NRAP: variants seen among roughly 807,000 people sequenced by gnomAD.
NRAP encodes nebulin-related-anchoring protein.
NRAP carries 189 observed loss-of-function variants against 225.9 expected under a neutral mutation model. That is an observed-to-expected ratio of 0.84 (90% CI 0.74 to 0.94). The LOEUF (loss-of-function observed/expected upper bound fraction) is 0.94. NRAP is among the 40% of genes least tolerant of loss of function. The pLI is 0.00. For synonymous variants in NRAP, 769 were observed against 790.7 expected, an observed-to-expected ratio of 0.97 and a Z score of 0.46; for missense variants, 2,176 against 2,168.7, an observed-to-expected ratio of 1.00 and a Z score of -0.07.
At chr10:113,648,437 T>TTCTC (rs376144953) in intron 9 of NRAP, among the ~76,000 whole-genome samples, 8,096 of 65,782 alleles carry the variant, frequency 0.12, 616 homozygotes, top group Middle Eastern at 0.23. Flanking sequence ...TTATTTTAGT[T>TTCTC]TCTCTCTCTC....
intron 25 of NRAP, 133 bp downstream of exon 25, chr10:113,620,471 G>C (rs1847919860): frequency 3.0e-6 from 2 of 663,128 alleles, no homozygotes; most frequent in Admixed American, 4.9e-5. Flanking sequence ...ACCAGCCCTA[G>C]TCTGGGTTTT....
chr10:113,597,227 A>C, intron 36 of NRAP, 43 bp from the exon 37 acceptor site: 2 of 1,228,330 alleles, frequency 1.6e-6, no homozygotes, highest in Non-Finnish European at 2.4e-6. Flanking sequence ...ACAGTCCAAC[A>C]TCATGCATCT....
At chr10:113,591,635 G>C (rs774708043) in intron 39 of NRAP, among the ~76,000 whole-genome samples, 50 of 152,200 alleles carry the variant, frequency 3.3e-4, no homozygotes, top group Non-Finnish European at 1.8e-4. Flanking sequence ...TCTAGTCAAT[G>C]GTGCCCTCTC....
chr10:113,649,328 T>G (rs1232137412), intron 9 of NRAP, among the ~76,000 whole-genome samples: 2 of 152,188 alleles, frequency 1.3e-5, no homozygotes, highest in Non-Finnish European at 2.9e-5. Flanking sequence ...AACTGTCCAA[T>G]TATGAATAAA....
intron 36 of NRAP, among the ~76,000 whole-genome samples, chr10:113,597,661 C>T (rs1592729107): frequency 6.6e-6 from 1 of 152,204 alleles, no homozygotes. Context: ...ACAGAGTCAA[C>T]TCAGTAGATG....
chr10:113,589,023 A>G lies in NRAP; in HGVS notation c.5145T>C (p.Asp1715=), dbSNP rs1391797554. 1.9e-6 allele frequency: 3 copies of G among 1,614,036 alleles called. No homozygotes were observed. The highest frequency in any genetic ancestry group is 2.5e-6 in the Non-Finnish European group (3 of 1,180,008). ...TTTTGACGTGCAGAATCTCAGTGGC[A>G]TCTGGGTTCACCTCCCCACTCTGAT... ...GDHQSGEVNP[D]ATEILHVKKK... Residue 1715 remains aspartate (D), a synonymous_variant, in exon 42 of 42, where the codon GAT becomes GAC. Coordinates refer to ENST00000359988, the MANE Select transcript of NRAP (RefSeq NM_198060.4).
intron 4 of NRAP, among the ~76,000 whole-genome samples, chr10:113,657,150 G>A (rs1272388981): frequency 6.6e-6 from 1 of 152,122 alleles, no homozygotes; most frequent in African/African-American, 2.4e-5. Flanking sequence ...AGAAAATGAT[G>A]TAGATCAGAA....
chr10:113,610,377 AGAAAGAAAAAG>A (rs1847253510), intron 31 of NRAP, 71 bp downstream of exon 31: 3 of 705,336 alleles, frequency 4.3e-6, no homozygotes, highest in Non-Finnish European at 7.4e-6. Context: ...AAAAAAAGGA[AGAAAGAAAAAG>A]GAAAGAAACA....
intron 28 of NRAP, 111 bp downstream of exon 28, chr10:113,614,728 C>G: frequency 1.4e-6 from 1 of 704,528 alleles, no homozygotes; most frequent in Non-Finnish European, 2.6e-6. Context: ...ACAGTCAGTT[C>G]GGAGAGGACA....
chr10:113,590,702 T>C lies in NRAP; in HGVS notation c.4832A>G (p.Gln1611Arg). The C allele has an allele frequency of 6.2e-7, 1 of 1,614,200 alleles. No homozygotes were observed. Among genetic ancestry groups the C allele is most frequent in the African/African-American group, 1.3e-5 (1 of 75,040 alleles). ...GGCCAGCTGCTGGCTCCTCTTGGCCTGAAGGAGGCCGGGCTGGTCTGTGCT... is the reference window on the plus strand; with the variant it reads ...GGCCAGCTGCTGGCTCCTCTTGGCCCGAAGGAGGCCGGGCTGGTCTGTGCT... ...HSSTDQPGLL[Q>R]AKRSQQLASD... The change falls in exon 40 of 42, where the codon CAG becomes CGG. Residue 1611 changes from glutamine (Q) to arginine (R), a missense_variant. Coordinates refer to ENST00000359988, the MANE Select transcript of NRAP (RefSeq NM_198060.4).
chr10:113,596,441 A>G (rs532361387), intron 37 of NRAP, among the ~76,000 whole-genome samples: 62 of 152,356 alleles, frequency 4.1e-4, no homozygotes, highest in African/African-American at 1.5e-3. Context: ...GAAATGGAGC[A>G]GCTCTGTCAC....
Position 113,617,655 on chromosome 10 carries a change from A to G in NRAP, c.2875-102T>C. ...TGCTTGAGATTAGAGTGAATTTGTG[A>G]ACACAATTATTATTCTGCTTCCTCC... On this transcript the variant is annotated intron_variant, in intron 25 of 41. Coordinates refer to ENST00000359988, the MANE Select transcript of NRAP (RefSeq NM_198060.4). The G allele has an allele frequency of 4.0e-6, 3 of 754,164 alleles. No individual in the cohort carries two copies. The South Asian group carries it at 4.3e-5, about 11-fold the overall frequency. The allele number at this position is 754,164 out of a possible 1,614,324, so 46.7% of individuals were successfully genotyped here. A position where few individuals can be genotyped will look rare whatever the true frequency, so the allele number is the denominator to read the frequency against.
At position 113,622,277 on chromosome 10, in the gene NRAP, A is replaced by G. The variant is rs1848043744; in HGVS notation, c.2458-97T>C. 9 of 769,946 alleles carry G rather than the reference A, an allele frequency of 1.2e-5. No homozygotes were observed. In the East Asian group the frequency reaches 1.5e-4, roughly 13 times the overall value. The allele number at this position is 769,946 out of a possible 1,614,324, so 47.7% of individuals were successfully genotyped here. On this transcript the variant is annotated intron_variant, in intron 23 of 41. Coordinates refer to ENST00000359988, the MANE Select transcript of NRAP (RefSeq NM_198060.4). ...ATGGGAGCTGAAACAAAGCCATTGG[A>G]CAGAATCCTATTAGAATTAGAATCA...
chr10:113,609,650 G>A (rs1264427519), intron 31 of NRAP, among the ~76,000 whole-genome samples: 1 of 152,164 alleles, frequency 6.6e-6, no homozygotes, highest in African/African-American at 2.4e-5. Context: ...TTAGATTAGT[G>A]CTAATCCTCA....
chr10:113,648,071 C>A (rs548004961), intron 9 of NRAP, among the ~76,000 whole-genome samples: 1 of 152,180 alleles, frequency 6.6e-6, no homozygotes, highest in Admixed American at 6.5e-5. Flanking sequence ...GTTTTCACTG[C>A]ACTTTTTGCA....
At position 113,623,608 on chromosome 10, in the gene NRAP, T is replaced by C. The variant is rs1371667616; in HGVS notation, c.2378A>G (p.Gln793Arg). ...EKLYKSSWEN[Q>R]KAKGFELRLD... Reference sequence around the variant, plus strand: ...ACGCAGCTCAAACCCTTTTGCTTTCTGGTTTTCCCAGCTGCTCTTATACAG... The same window carrying C: ...ACGCAGCTCAAACCCTTTTGCTTTCCGGTTTTCCCAGCTGCTCTTATACAG... The change falls in exon 23 of 42, where the codon CAG (glutamine) becomes CGG (arginine). Residue 793 changes from glutamine (Q) to arginine (R), a missense_variant. Physicochemically the swap from Gln to Arg is conservative, Grantham distance 43. This residue lies in a region of NRAP where 1,708 missense variants were observed against 1,695.5 expected (regional missense o/e 1.01). Transcript: ENST00000359988. The C allele has an allele frequency of 3.7e-6, 6 of 1,614,048 alleles. No individual in the cohort carries two copies. Among genetic ancestry groups the C allele is most frequent in the South Asian group, 3.3e-5 (3 of 91,056 alleles).
intron 37 of NRAP, among the ~76,000 whole-genome samples, chr10:113,596,351 T>G (rs1333130041): frequency 6.6e-6 from 1 of 152,222 alleles, no homozygotes. Context: ...GAGGTGAAAC[T>G]GTAATATTCC....
At chr10:113,597,883 G>A in intron 36 of NRAP, 86 bp downstream of exon 36, 1 of 996,690 alleles carries the variant, frequency 1.0e-6, no homozygotes, top group Non-Finnish European at 1.6e-6. Context: ...GGTCCTTTGG[G>A]TTCTCCACTC....
Position 113,632,735 on chromosome 10 carries a change from G to A in NRAP, c.1632+349C>T, listed in dbSNP as rs140712781. ...ATTCATAGCCCACTTGTGACTCCAGGGAGAATCTGATGATGCAGATTGATC... is the reference window on the plus strand; with the variant it reads ...ATTCATAGCCCACTTGTGACTCCAGAGAGAATCTGATGATGCAGATTGATC... On this transcript the variant is annotated intron_variant, in intron 16 of 41. Transcript: ENST00000359988. Among the ~76,000 whole-genome samples, 343 of 152,256 alleles carry A rather than the reference G, an allele frequency of 2.3e-3. 2 individuals carry two copies. The highest frequency in any genetic ancestry group is 7.8e-3 in the African/African-American group (326 of 41,544).
Sources: allele counts gnomAD v4.1 joint callset (sites outside exome capture counted in the v4.1 genomes callset), GRCh38; gene constraint gnomAD v4.1.1; regional missense constraint gnomAD v4.1.1; transcripts MANE v1.5; gene names NCBI Gene and HGNC (gene_info 2026-07-23, HGNC 2026-07-21).